CPSF4: variants seen among roughly 807,000 people sequenced by gnomAD.
CPSF4 encodes cleavage and polyadenylation specific factor 4, also known as cleavage and polyadenylation specificity factor subunit 4.
CPSF4 carries 11 observed loss-of-function variants against 37.7 expected under a neutral mutation model. That is an observed-to-expected ratio of 0.29 (90% CI 0.18 to 0.48). The LOEUF is 0.48. CPSF4 is among the 20% of genes least tolerant of loss of function. The pLI is 0.99. For synonymous variants in CPSF4, 132 were observed against 135.9 expected (o/e 0.97, Z 0.20); for missense variants, 144 against 359.5 (o/e 0.40, Z 4.85).
chr7:99,440,438 TC>T (rs1796802044), intron 1 of CPSF4, among the ~76,000 whole-genome samples: 2 of 151,782 alleles, frequency 1.3e-5, no homozygotes, highest in South Asian at 4.2e-4. Context: ...AGCCTCGACT[TC>T]CCAGGCTCCA....
chr7:99,447,877 T>C, intron 2 of CPSF4: 1 of 562,848 alleles, frequency 1.8e-6, no homozygotes, highest in Non-Finnish European at 3.4e-6. Flanking sequence ...TCCAAAGTGC[T>C]GGGATTACCA....
At position 99,440,675 on chromosome 7, in the gene CPSF4, T is replaced by TATATATG. The variant is rs1491236759; in HGVS notation, c.103+1490_103+1491insATATATG. On this transcript the variant is annotated intron_variant, in intron 1 of 7. Transcript: ENST00000292476. ...CCTGGCATATATATATATATATATATTTTTTTTTTTTTTTTTTTCCTGCCT... is the reference window on the plus strand; with the variant it reads ...CCTGGCATATATATATATATATATATATATATGTTTTTTTTTTTTTTTTTTCCTGCCT... Among the ~76,000 whole-genome samples, 21 of 74,846 alleles carry TATATATG rather than the reference T, an allele frequency of 2.8e-4. 3 individuals are homozygous for TATATATG. The highest frequency in any genetic ancestry group is 2.2e-3 in the African/African-American group (21 of 9,482). The allele number at this position is 74,846 out of a possible 152,430, so 49.1% of individuals were successfully genotyped here. A position where few individuals can be genotyped will look rare whatever the true frequency, so the allele number is the denominator to read the frequency against.
chr7:99,454,500 A>G (rs1374742026), intron 7 of CPSF4, among the ~76,000 whole-genome samples: 2 of 152,134 alleles, frequency 1.3e-5, no homozygotes, highest in African/African-American at 4.8e-5. Context: ...CCTGCAGGGC[A>G]CACCCGAGAA....
chr7:99,456,359 C>T (rs1203555073), intron 7 of CPSF4, 73 bp from the exon 8 acceptor site: 1 of 1,381,576 alleles, frequency 7.2e-7, no homozygotes, highest in Admixed American at 1.7e-5. Flanking sequence ...GTGGGCACTC[C>T]CTTAGTTGAA....
intron 1 of CPSF4, among the ~76,000 whole-genome samples, chr7:99,443,906 G>A (rs1345105308): frequency 2.0e-5 from 3 of 152,000 alleles, no homozygotes; most frequent in South Asian, 2.1e-4. Flanking sequence ...GCGACAGAGC[G>A]AGACTCTGTC....
chr7:99,456,940 A>C lies in CPSF4; in HGVS notation c.*440A>C. ...GCTTCCTCCCTCCCTGCCCTGCTGA[A>C]TCCTAAAGCTGTGCCTATATCTGTG... On this transcript the variant is annotated 3_prime_UTR_variant, in exon 8 of 8. Transcript: ENST00000292476. The C allele has an allele frequency of 3.0e-6, 1 of 331,280 alleles. No individual in the cohort carries two copies. Among genetic ancestry groups the C allele is most frequent in the South Asian group, 2.5e-5 (1 of 40,034 alleles). The allele number at this position is 331,280 out of a possible 1,614,324, so 20.5% of individuals were successfully genotyped here. A position where few individuals can be genotyped will look rare whatever the true frequency, so the allele number is the denominator to read the frequency against.
chr7:99,449,363 C>G (rs1431775840), intron 3 of CPSF4, among the ~76,000 whole-genome samples: 9 of 151,924 alleles, frequency 5.9e-5, no homozygotes, highest in Non-Finnish European at 1.3e-4. Context: ...GTAGCATGTT[C>G]CCCCCGATGC....
chr7:99,447,360 C>T (rs531342841), intron 2 of CPSF4, among the ~76,000 whole-genome samples: 2 of 151,418 alleles, frequency 1.3e-5, no homozygotes, highest in South Asian at 4.2e-4. Context: ...CCTCCGCCTC[C>T]TGGGTTCAAG....
At chr7:99,447,429 G>A (rs565529026) in intron 2 of CPSF4, among the ~76,000 whole-genome samples, 68 of 149,634 alleles carry the variant, frequency 4.5e-4, no homozygotes, top group African/African-American at 1.6e-3. Flanking sequence ...CCCGCAAGCC[G>A]GGCTAATTTT....
chr7:99,447,244 C>T (rs1430940207), intron 2 of CPSF4, among the ~76,000 whole-genome samples: 4 of 150,920 alleles, frequency 2.7e-5, no homozygotes, highest in South Asian at 4.2e-4. Context: ...CTCCTACACC[C>T]GGCCAAGTTC....
In CPSF4 at chr7:99,457,068, A is replaced by G. The variant is rs930127193; in HGVS notation, c.*568A>G. On this transcript the variant is annotated 3_prime_UTR_variant, in exon 8 of 8. Coordinates refer to ENST00000292476, the MANE Select transcript of CPSF4 (RefSeq NM_006693.4). ...GGTTGAGGAGGGGTACAGGGCTCTC[A>G]AGCCTGAGGTTTTCTTCTCTGGGCT... The G allele has an allele frequency of 1.1e-5, 2 of 188,074 alleles. No homozygotes were observed. Among genetic ancestry groups the G allele is most frequent in the South Asian group, 1.1e-4 (1 of 9,510 alleles). The allele number at this position is 188,074 out of a possible 1,614,324, so 11.7% of individuals were successfully genotyped here. A position where few individuals can be genotyped will look rare whatever the true frequency, so the allele number is the denominator to read the frequency against.
At chr7:99,450,837 C>A in intron 5 of CPSF4, 42 bp downstream of exon 5, 1 of 1,456,596 alleles carries the variant, frequency 6.9e-7, no homozygotes, top group Non-Finnish European at 9.6e-7. Flanking sequence ...AGCTCCCGGC[C>A]CAGGCCCTGC....
chr7:99,445,713 G>A (rs1266542842), intron 2 of CPSF4, among the ~76,000 whole-genome samples: 1 of 152,060 alleles, frequency 6.6e-6, no homozygotes, highest in Non-Finnish European at 1.5e-5. Flanking sequence ...GTGAAACATC[G>A]TCTCTACTAA....
intron 1 of CPSF4, chr7:99,443,002 TATC>T (rs1158320105): frequency 6.5e-7 from 1 of 1,539,336 alleles, no homozygotes; most frequent in Non-Finnish European, 9.0e-7. Flanking sequence ...TTCAGTTTCT[TATC>T]ATCTTCAGAC....
chr7:99,442,669 A>AAC lies in CPSF4; in HGVS notation c.104-2119_104-2118insCA, dbSNP rs1554363503. Among the ~76,000 whole-genome samples, 1,404 of 150,386 alleles carry AAC rather than the reference A, an allele frequency of 9.3e-3. 29 individuals are homozygous for AAC. The highest frequency in any genetic ancestry group is 0.033 in the African/African-American group (1,315 of 40,204). On this transcript the variant is annotated intron_variant, in intron 1 of 7. Transcript: ENST00000292476. ...AGACTCCGTCTCAAAAAAAAAAAAAAAAAAAACAAAAAACAAGCAATATAA... is the reference window on the plus strand; with the variant it reads ...AGACTCCGTCTCAAAAAAAAAAAAAAACAAAAAACAAAAAACAAGCAATATAA...
chr7:99,442,917 T>G, intron 1 of CPSF4: 1 of 1,482,758 alleles, frequency 6.7e-7, no homozygotes, highest in African/African-American at 1.4e-5. Flanking sequence ...TCTTTTCCTC[T>G]TCTTTGCCTC....
chr7:99,454,852 A>C (rs890597864), intron 7 of CPSF4, among the ~76,000 whole-genome samples: 3 of 152,198 alleles, frequency 2.0e-5, no homozygotes, highest in Non-Finnish European at 4.4e-5. Flanking sequence ...CAAGGCGCAC[A>C]CAATTCCTAC....
In CPSF4 at chr7:99,448,482, A is replaced by C; in HGVS notation, c.307+209A>C. Reference sequence around the variant, plus strand: ...CTCTTTTTTTTTTTTTTTTTTTTTAAAGACATAGGGTCTCGCTATGTTTCA... The same window carrying C: ...CTCTTTTTTTTTTTTTTTTTTTTTACAGACATAGGGTCTCGCTATGTTTCA... On this transcript the variant is annotated intron_variant, in intron 3 of 7. Transcript: ENST00000292476. The surrounding 1 kb of genome is among the most constrained non-coding windows in gnomAD (Gnocchi z 4.4). The C allele has an allele frequency of 4.0e-6, 2 of 504,324 alleles. No individual in the cohort carries two copies. Among genetic ancestry groups the C allele is most frequent in the South Asian group, 2.4e-5 (1 of 42,190 alleles). The allele number at this position is 504,324 out of a possible 1,614,324, so 31.2% of individuals were successfully genotyped here.
intron 1 of CPSF4, 171 bp downstream of exon 1, chr7:99,439,356 C>T (rs1796669410): frequency 3.8e-6 from 2 of 527,222 alleles, no homozygotes; most frequent in African/African-American, 2.0e-5. Context: ...TTGAGAGTCC[C>T]TCCCACCTCC....
Sources: gnomAD v4.1 joint callset for allele counts (sites outside exome capture counted in the v4.1 genomes callset) on GRCh38, gnomAD v4.1.1 for gene constraint, Gnocchi (gnomAD v3.1) non-coding constraint, MANE v1.5 for transcripts, NCBI Gene and HGNC (gene_info 2026-07-23, HGNC 2026-07-21) for gene names.